Variants in LNPEP observed in about 807,000 individuals in gnomAD.
The protein encoded by LNPEP is leucyl and cystinyl aminopeptidase.
Under a neutral mutation model 120.6 loss-of-function variants are expected in LNPEP, and 64 were observed. The ratio of observed to expected loss-of-function variants is 0.53; its 90% CI spans 0.43 to 0.65. The LOEUF (loss-of-function observed/expected upper bound fraction) is 0.65. LNPEP is among the 30% of genes least tolerant of loss of function. The pLI, the probability that LNPEP is intolerant of heterozygous loss-of-function variation, is 0.00. For synonymous variants in LNPEP, 435 were observed against 425.4 expected (o/e 1.02, Z -0.28); for missense variants, 1,057 against 1,200.0 (o/e 0.88, Z 1.76).
chr5:96,936,221 G>A (rs888047988), intron 1 of LNPEP, 47 bp downstream of exon 1: 50 of 1,393,394 alleles, frequency 3.6e-5, no homozygotes, highest in Non-Finnish European at 3.9e-5. Flanking sequence ...CCGGAGCCCT[G>A]AGGGTCGTGG....
At position 96,936,126 on chromosome 5, in the gene LNPEP, C is replaced by G. The variant is rs1788855220; in HGVS notation, c.-30C>G. ...TCTCGGAGTAGGAAGCTCGGGCGCT[C>G]CGGCTGTAAGGAGCCGCGGCGGGGG... is the stretch of plus-strand genomic sequence containing the variant. On this transcript the variant is annotated 5_prime_UTR_variant, in exon 1 of 18. Coordinates refer to ENST00000231368, the MANE Select transcript of LNPEP (RefSeq NM_005575.3). The G allele has an allele frequency of 7.9e-6, 12 of 1,514,020 alleles. No individual in the cohort carries two copies. Among genetic ancestry groups the G allele is most frequent in the South Asian group, 3.6e-5 (3 of 82,484 alleles). The allele number at this position is 1,514,020 out of a possible 1,614,324, so 93.8% of individuals were successfully genotyped here.
At chr5:96,960,356 A>G (rs1211333136) in intron 1 of LNPEP, among the ~76,000 whole-genome samples, 1 of 152,244 alleles carries the variant, frequency 6.6e-6, no homozygotes, top group African/African-American at 2.4e-5. Flanking sequence ...AGTTACGCTA[A>G]CAAGTCCACT....
intron 8 of LNPEP, 141 bp downstream of exon 8, chr5:96,998,286 C>T (rs767406653): frequency 4.4e-5 from 30 of 685,108 alleles, no homozygotes; most frequent in Admixed American, 1.2e-4. Flanking sequence ...ATGTTTGCTT[C>T]TGTATAAATC....
chr5:96,958,253 T>G (rs1304274570), intron 1 of LNPEP, among the ~76,000 whole-genome samples: 1 of 152,370 alleles, frequency 6.6e-6, no homozygotes, highest in African/African-American at 2.4e-5. Context: ...GTCTAGACTT[T>G]CAATTTTTTT....
chr5:96,992,439 G>A (rs114882304), intron 4 of LNPEP, among the ~76,000 whole-genome samples: 144 of 152,284 alleles, frequency 9.5e-4, no homozygotes, highest in Non-Finnish European at 1.7e-3. Context: ...CTTACTGGAA[G>A]AGAATATGTT....
Position 97,033,950 on chromosome 5 carries a change from G to A in LNPEP, c.*5417G>A, listed in dbSNP as rs180902466. On this transcript the variant is annotated 3_prime_UTR_variant, in exon 18 of 18. Coordinates refer to ENST00000231368, the MANE Select transcript of LNPEP (RefSeq NM_005575.3). ...AGTTTGGATTTTTTTAAGTTTTGAG[G>A]GGTGGGAGGGGTCTAAGGCAGAATA... is the stretch of plus-strand genomic sequence containing the variant. 16 of 152,072 alleles carry A rather than the reference G, an allele frequency of 1.1e-4. No individual in the cohort carries two copies. Among genetic ancestry groups the A allele is most frequent in the Admixed American group, 8.5e-4 (13 of 15,256 alleles). 9.4% of individuals were successfully genotyped at this position (152,072 alleles called of 1,614,324 possible). A position where few individuals can be genotyped will look rare whatever the true frequency, so the allele number is the denominator to read the frequency against.
chr5:96,945,045 A>G (rs962715561), intron 1 of LNPEP, among the ~76,000 whole-genome samples: 12 of 152,040 alleles, frequency 7.9e-5, no homozygotes, highest in Non-Finnish European at 1.6e-4. Flanking sequence ...ATAGATGGTT[A>G]TTATCTCTTA....
intron 8 of LNPEP, 78 bp downstream of exon 8, chr5:96,998,223 T>G (rs2112634747): frequency 2.8e-6 from 3 of 1,068,982 alleles, no homozygotes; most frequent in African/African-American, 3.3e-5. Flanking sequence ...GCTGTGTGAT[T>G]TAGATTATTT....
At chr5:97,012,063 A>G (rs1790943357) in intron 11 of LNPEP, among the ~76,000 whole-genome samples, 1 of 152,124 alleles carries the variant, frequency 6.6e-6, no homozygotes, top group African/African-American at 2.4e-5. Flanking sequence ...AGCATTTTAT[A>G]TAAAAAACCT....
At chr5:96,995,843 A>G (rs1235641409) in intron 6 of LNPEP, among the ~76,000 whole-genome samples, 1 of 152,142 alleles carries the variant, frequency 6.6e-6, no homozygotes, top group East Asian at 1.9e-4. Flanking sequence ...ACTTAGTCTT[A>G]AGGAATGTTG....
At position 96,958,468 on chromosome 5, in the gene LNPEP, G is replaced by GTAC. The variant is rs1157816928; in HGVS notation, c.20-20669_20-20667dup. On this transcript the variant is annotated intron_variant, in intron 1 of 17. Transcript: ENST00000231368. ...TTGGGCAAGCTCCTAACTCCACTAAGTACAGAAGTGGAGCCGTACAGCCAT... is the reference window on the plus strand; with the variant it reads ...TTGGGCAAGCTCCTAACTCCACTAAGTACTACAGAAGTGGAGCCGTACAGCCAT... 1.0e-5 allele frequency: 10 copies of GTAC among 984,682 alleles called. No homozygotes were observed. The East Asian group carries it at 6.7e-4, about 66-fold the overall frequency. 61.0% of individuals were successfully genotyped at this position (984,682 alleles called of 1,614,324 possible). A position where few individuals can be genotyped will look rare whatever the true frequency, so the allele number is the denominator to read the frequency against.
At chr5:97,016,317 T>G (rs976200532) in intron 13 of LNPEP, among the ~76,000 whole-genome samples, 1 of 152,160 alleles carries the variant, frequency 6.6e-6, no homozygotes, top group African/African-American at 2.4e-5. Flanking sequence ...AGTGAATAAA[T>G]GATTGAAACA....
chr5:96,963,331 T>C (rs2112583960), intron 1 of LNPEP, among the ~76,000 whole-genome samples: 1 of 152,344 alleles, frequency 6.6e-6, no homozygotes, highest in East Asian at 1.9e-4. Flanking sequence ...TCTTTGCTCA[T>C]GATTTTTTAG....
chr5:96,968,060 A>T (rs970136580), intron 1 of LNPEP, among the ~76,000 whole-genome samples: 2 of 152,156 alleles, frequency 1.3e-5, no homozygotes, highest in African/African-American at 4.8e-5. Flanking sequence ...TTATTCTAGA[A>T]AAGTAAATGT....
chr5:97,025,470 A>G (rs1478796966), intron 15 of LNPEP, among the ~76,000 whole-genome samples: 1 of 152,230 alleles, frequency 6.6e-6, no homozygotes, highest in Non-Finnish European at 1.5e-5. Context: ...ATAGAGAAAA[A>G]TCACTGTTTT....
At chr5:96,949,341 A>T (rs1561427834) in intron 1 of LNPEP, among the ~76,000 whole-genome samples, 1 of 152,226 alleles carries the variant, frequency 6.6e-6, no homozygotes, top group African/African-American at 2.4e-5. Context: ...GTGGTATTAG[A>T]GTCCCATAGG....
At chr5:96,969,044 A>G (rs1789797209) in intron 1 of LNPEP, among the ~76,000 whole-genome samples, 1 of 152,094 alleles carries the variant, frequency 6.6e-6, no homozygotes, top group African/African-American at 2.4e-5. Flanking sequence ...GGTTATATTT[A>G]TGCAAAATGA....
intron 1 of LNPEP, among the ~76,000 whole-genome samples, chr5:96,968,110 A>G (rs1359008338): frequency 6.6e-6 from 1 of 152,090 alleles, no homozygotes; most frequent in African/African-American, 2.4e-5. Context: ...CCTAAATGTG[A>G]AAGACTGTAT....
chr5:96,946,076 G>A (rs1008669596), intron 1 of LNPEP, among the ~76,000 whole-genome samples: 4 of 152,220 alleles, frequency 2.6e-5, no homozygotes, highest in Non-Finnish European at 5.9e-5. Context: ...GGTGAGAGGA[G>A]CTAGTGTGTC....
Sources: gnomAD v4.1 joint callset for allele counts (sites outside exome capture counted in the v4.1 genomes callset) on GRCh38, gnomAD v4.1.1 for gene constraint, MANE v1.5 for transcripts, NCBI Gene and HGNC (gene_info 2026-07-23, HGNC 2026-07-21) for gene names.